Variants in TRAF3IP1 observed in about 807,000 individuals in gnomAD.
TRAF3IP1 encodes the protein intraflagellar transport 54.
Under a neutral mutation model 89.9 loss-of-function variants are expected in TRAF3IP1, and 53 were observed. The observed-to-expected ratio is 0.59, with a 90% CI of 0.47 to 0.74. The LOEUF (loss-of-function observed/expected upper bound fraction) is 0.74. Among genes scored for constraint, TRAF3IP1 ranks in the 30% least tolerant of loss-of-function variants. The pLI is 0.00. For synonymous variants in TRAF3IP1, 311 were observed against 322.1 expected, an observed-to-expected ratio of 0.97 and a Z score of 0.37; for missense variants, 806 against 866.1, an observed-to-expected ratio of 0.93 and a Z score of 0.87.
intron 3 of TRAF3IP1, 64 bp downstream of exon 3, chr2:238,326,034 A>G (rs1697816296): frequency 1.3e-6 from 2 of 1,538,206 alleles, no homozygotes; most frequent in Non-Finnish European, 8.8e-7. Flanking sequence ...GTCGGGGGTG[A>G]GGGACTCACA....
chr2:238,396,025 C>G (rs1304972973), intron 15 of TRAF3IP1, among the ~76,000 whole-genome samples: 1 of 152,198 alleles, frequency 6.6e-6, no homozygotes, highest in South Asian at 2.1e-4. Flanking sequence ...CATCCCATTA[C>G]TGGGTATATA....
rs558310950 is a variant in TRAF3IP1, at chr2:238,328,088, T to C, written c.355-598T>C. ...CTTCAAGACCCCGTTTTCTATTTTT[T>C]TGGATAAATACCCAGAAGGGGAATT... On this transcript the variant is annotated intron_variant, in intron 3 of 16. Coordinates refer to ENST00000373327, the MANE Select transcript of TRAF3IP1 (RefSeq NM_015650.4). 2.0e-5 allele frequency among the ~76,000 whole-genome samples: 3 copies of C among 152,342 alleles called. No individual in the cohort carries two copies. The South Asian group carries it at 6.2e-4, about 32-fold the overall frequency.
chr2:238,343,878 T>G (rs1023338948), intron 8 of TRAF3IP1, among the ~76,000 whole-genome samples: 3 of 152,002 alleles, frequency 2.0e-5, no homozygotes. Flanking sequence ...CTAGGTTGTC[T>G]TTACTCCTGG....
At chr2:238,371,972 T>C (rs1700129542) in intron 15 of TRAF3IP1, among the ~76,000 whole-genome samples, 1 of 152,162 alleles carries the variant, frequency 6.6e-6, no homozygotes, top group Admixed American at 6.5e-5. Flanking sequence ...TAGAATTGAG[T>C]ATAACTACAG....
chr2:238,349,266 A>C lies in TRAF3IP1; in HGVS notation c.1368-59A>C. ...AACATTCACCTGGGCTTTCTTTTCC[A>C]GTTTGAAATGTATAAGCCTTTCATA... On this transcript the variant is annotated intron_variant, in intron 11 of 16. Coordinates refer to ENST00000373327, the MANE Select transcript of TRAF3IP1 (RefSeq NM_015650.4). 2.6e-6 allele frequency: 4 copies of C among 1,514,346 alleles called. No homozygotes were observed. In the South Asian group the frequency reaches 4.7e-5, roughly 18 times the overall value. The allele number at this position is 1,514,346 out of a possible 1,614,324, so 93.8% of individuals were successfully genotyped here.
intron 15 of TRAF3IP1, among the ~76,000 whole-genome samples, chr2:238,380,989 A>G (rs1164061376): frequency 1.3e-5 from 2 of 152,068 alleles, no homozygotes; most frequent in Non-Finnish European, 2.9e-5. Flanking sequence ...CCAGATCTCT[A>G]TTGAGTCTGA....
In TRAF3IP1 at chr2:238,329,227, G is replaced by A. The variant is rs151259641; in HGVS notation, c.800G>A (p.Arg267Gln). The change falls in exon 5 of 17, where the codon CGA becomes CAA. Residue 267 changes from arginine to glutamine, a missense_variant. By Grantham distance (43) the Arg-to-Gln change is conservative. Coordinates refer to ENST00000373327, the MANE Select transcript of TRAF3IP1 (RefSeq NM_015650.4). ...KEKERLRDRD[R>Q]ERDRDKGKDR... ...AAGGAGAGACTGAGAGACAGGGACC[G>A]AGAGCGCGACCGGGACAAAGGGAAG... The A allele has an allele frequency of 8.5e-5, 132 of 1,554,108 alleles. No homozygotes were observed. The highest frequency in any genetic ancestry group is 1.1e-4 in the Non-Finnish European group (123 of 1,155,216).
At chr2:238,355,307 G>T (rs1699360014) in intron 14 of TRAF3IP1, among the ~76,000 whole-genome samples, 1 of 152,076 alleles carries the variant, frequency 6.6e-6, no homozygotes, top group South Asian at 2.1e-4. Flanking sequence ...GTAGGTAACA[G>T]TAAAATAGGG....
At chr2:238,354,832 A>C (rs907937569) in intron 14 of TRAF3IP1, among the ~76,000 whole-genome samples, 8 of 151,702 alleles carry the variant, frequency 5.3e-5, no homozygotes, top group African/African-American at 1.9e-4. Context: ...TTGTATTTTT[A>C]GTAGAGACGG....
Position 238,349,325 on chromosome 2 carries a change from A to C in TRAF3IP1, c.1368A>C (p.Arg456Ser), listed in dbSNP as rs1385235701. Residue 456 changes from arginine (R) to serine (S), a missense_variant and splice_region_variant, in exon 12 of 17, where the codon AGA becomes AGC. By Grantham distance (110) the Arg-to-Ser change is moderately radical. Coordinates refer to ENST00000373327, the MANE Select transcript of TRAF3IP1 (RefSeq NM_015650.4). ...EIPNELSSNIRRIPRPGSARP... is the reference protein window; with the variant it reads ...EIPNELSSNISRIPRPGSARP... Reference sequence around the variant, plus strand: ...TTGGTTTTCCAATATTTGGGTTTAGAAGAATTCCTCGGCCTGGGAGTGCAA... The same window carrying C: ...TTGGTTTTCCAATATTTGGGTTTAGCAGAATTCCTCGGCCTGGGAGTGCAA... 3 of 1,613,980 alleles carry C rather than the reference A, an allele frequency of 1.9e-6. No individual in the cohort carries two copies. Among genetic ancestry groups the C allele is most frequent in the African/African-American group, 2.7e-5 (2 of 74,918 alleles).
At chr2:238,358,311 C>T (rs1279097561) in intron 15 of TRAF3IP1, among the ~76,000 whole-genome samples, 4 of 151,986 alleles carry the variant, frequency 2.6e-5, no homozygotes, top group Non-Finnish European at 5.9e-5. Flanking sequence ...CCAAGGTGGG[C>T]GGATTGCTTG....
intron 15 of TRAF3IP1, among the ~76,000 whole-genome samples, chr2:238,392,189 A>C (rs1325589418): frequency 6.6e-6 from 1 of 152,202 alleles, no homozygotes; most frequent in African/African-American, 2.4e-5. Context: ...TGGGCAACAC[A>C]GTGAAACCCT....
intron 8 of TRAF3IP1, among the ~76,000 whole-genome samples, chr2:238,342,894 T>C (rs1698724999): frequency 6.6e-6 from 1 of 152,228 alleles, no homozygotes; most frequent in South Asian, 2.1e-4. Flanking sequence ...TAATGTCAGG[T>C]TGATTCTGAT....
rs538462842 is a variant in TRAF3IP1 at position 238,350,323 on chromosome 2, A to G, written c.1451+915A>G. On this transcript the variant is annotated intron_variant, in intron 12 of 16. Coordinates refer to ENST00000373327, the MANE Select transcript of TRAF3IP1 (RefSeq NM_015650.4). ...ATTGATGACGTAGGCGACGTGGGAC[A>G]GGGGTTTGGTGGAGCAGAGTCCCCG... 3.8e-4 allele frequency among the ~76,000 whole-genome samples: 58 copies of G among 152,204 alleles called. 1 individual carries two copies. Among genetic ancestry groups the G allele is most frequent in the Admixed American group, 3.7e-3 (56 of 15,270 alleles).
chr2:238,372,246 CAT>C (rs1215329045), intron 15 of TRAF3IP1, among the ~76,000 whole-genome samples: 2 of 152,160 alleles, frequency 1.3e-5, no homozygotes. Flanking sequence ...TCGTCATTTA[CAT>C]TAGGTGTTTC....
chr2:238,320,674 G>A lies in TRAF3IP1; in HGVS notation c.12G>A (p.Ala4=), dbSNP rs1483089214. Residue 4 remains alanine (A), a synonymous_variant, in exon 1 of 17, where the codon GCG becomes GCA. Coordinates refer to ENST00000373327, the MANE Select transcript of TRAF3IP1 (RefSeq NM_015650.4). The part of the protein sequence containing the change: MNA[A]VVRRTQEALG... ...CGGCGGACGCCGTCATGAACGCGGC[G>A]GTGGTGAGGCGGACGCAGGAGGCGC... The A allele has an allele frequency of 1.4e-6, 2 of 1,397,892 alleles. No individual in the cohort carries two copies. Among genetic ancestry groups the A allele is most frequent in the Middle Eastern group, 2.1e-4 (1 of 4,738 alleles). 86.6% of individuals were successfully genotyped at this position (1,397,892 alleles called of 1,614,324 possible). A position where few individuals can be genotyped will look rare whatever the true frequency, so the allele number is the denominator to read the frequency against.
Position 238,333,924 on chromosome 2 carries a change from C to T in TRAF3IP1, c.988-36C>T, listed in dbSNP as rs774937146. The T allele has an allele frequency of 3.9e-6, 6 of 1,522,340 alleles. No individual in the cohort carries two copies. The South Asian group carries it at 4.7e-5, about 12-fold the overall frequency. The allele number at this position is 1,522,340 out of a possible 1,614,324, so 94.3% of individuals were successfully genotyped here. A position where few individuals can be genotyped will look rare whatever the true frequency, so the allele number is the denominator to read the frequency against. On this transcript the variant is annotated intron_variant, in intron 6 of 16. Coordinates refer to ENST00000373327, the MANE Select transcript of TRAF3IP1 (RefSeq NM_015650.4). ...CTGCTTATGATACTGCTGTGTAATA[C>T]ATCAATTAATTTCTTTTCATTCTTT...
intron 1 of TRAF3IP1, among the ~76,000 whole-genome samples, chr2:238,321,114 C>T (rs576658653): frequency 2.0e-5 from 3 of 152,296 alleles, no homozygotes; most frequent in East Asian, 1.9e-4. Flanking sequence ...TCCGCGGCGC[C>T]CTCCGTGAGG....
At chr2:238,340,643 A>G (rs1698597582) in intron 8 of TRAF3IP1, among the ~76,000 whole-genome samples, 3 of 152,150 alleles carry the variant, frequency 2.0e-5, no homozygotes, top group African/African-American at 7.2e-5. Context: ...ACATTAAGTC[A>G]GGTCTTTATT....
Sources: allele counts gnomAD v4.1 joint callset (sites outside exome capture counted in the v4.1 genomes callset), GRCh38; gene constraint gnomAD v4.1.1; transcripts MANE v1.5; gene names NCBI Gene and HGNC (gene_info 2026-07-23, HGNC 2026-07-21).